SPATA17: variants seen among roughly 807,000 people sequenced by gnomAD.
SPATA17 encodes the protein spermatogenesis-associated protein 17.
A neutral mutation model predicts 62.2 loss-of-function variants in SPATA17; 53 were observed. That is an observed-to-expected ratio of 0.85 (90% CI 0.68 to 1.07). The LOEUF (loss-of-function observed/expected upper bound fraction) is 1.07, where lower values mean the gene tolerates loss of function less well. SPATA17 is among the 50% of genes least tolerant of loss of function. The pLI is 0.00. For missense variants in SPATA17, 466 were observed against 425.5 expected (o/e 1.10, Z -0.84); for synonymous variants, 146 against 146.8 (o/e 0.99, Z 0.04).
At position 217,748,743 on chromosome 1, in the gene SPATA17, C is replaced by CAA. The variant is rs34000760; in HGVS notation, c.519+6664_519+6665dup. Among the ~76,000 whole-genome samples the CAA allele has an allele frequency of 5.5e-4, 64 of 115,322 alleles. 2 individuals are homozygous for CAA. The highest frequency in any genetic ancestry group is 1.5e-3 in the African/African-American group (45 of 29,810). The allele number at this position is 115,322 out of a possible 152,430, so 75.7% of individuals were successfully genotyped here. A position where few individuals can be genotyped will look rare whatever the true frequency, so the allele number is the denominator to read the frequency against. On this transcript the variant is annotated intron_variant, in intron 6 of 10. Transcript: ENST00000366933. ...TGGGTGGCAGAGCAAGACTCTGACTCAAAAAAAAAAAAAAAAAAAACTTTA... is the reference window on the plus strand; with the variant it reads ...TGGGTGGCAGAGCAAGACTCTGACTCAAAAAAAAAAAAAAAAAAAAAACTTTA...
intron 5 of SPATA17, among the ~76,000 whole-genome samples, chr1:217,722,687 CTG>C (rs947409713): frequency 2.6e-5 from 4 of 152,268 alleles, no homozygotes; most frequent in Non-Finnish European, 4.4e-5. Flanking sequence ...TCTAAGGACT[CTG>C]GAACTTATTT....
At chr1:217,846,170 T>C (rs1675523457) in intron 9 of SPATA17, among the ~76,000 whole-genome samples, 1 of 152,118 alleles carries the variant, frequency 6.6e-6, no homozygotes. Flanking sequence ...TGGAAACTAA[T>C]GGGATTCTAG....
At chr1:217,768,242 T>C (rs1171311619) in intron 6 of SPATA17, among the ~76,000 whole-genome samples, 1 of 152,032 alleles carries the variant, frequency 6.6e-6, no homozygotes, top group East Asian at 1.9e-4. Context: ...AGGCTCCGTC[T>C]CAAAAAAATA....
intron 5 of SPATA17, 139 bp downstream of exon 5, chr1:217,683,500 G>C (rs527712204): frequency 1.8e-6 from 1 of 562,258 alleles, no homozygotes; most frequent in Non-Finnish European, 3.2e-6. Context: ...GTGCAGTGGC[G>C]CAATCTCGGC....
intron 8 of SPATA17, among the ~76,000 whole-genome samples, chr1:217,791,933 G>A (rs1275373699): frequency 6.6e-6 from 1 of 152,152 alleles, no homozygotes; most frequent in African/African-American, 2.4e-5. Flanking sequence ...GTAGAGAAAG[G>A]TTGAGAAGCT....
chr1:217,704,440 C>T (rs991437115), intron 5 of SPATA17, among the ~76,000 whole-genome samples: 4 of 150,308 alleles, frequency 2.7e-5, no homozygotes, highest in African/African-American at 9.8e-5. Context: ...TTAGTAGAGA[C>T]GGGGTTTCAC....
chr1:217,636,426 C>T (rs1669941963), intron 1 of SPATA17, among the ~76,000 whole-genome samples: 1 of 151,464 alleles, frequency 6.6e-6, no homozygotes, highest in African/African-American at 2.4e-5. Context: ...TTATTATTAT[C>T]ATTTTGAGAG....
intron 5 of SPATA17, among the ~76,000 whole-genome samples, chr1:217,714,633 G>A (rs998391189): frequency 2.6e-5 from 4 of 151,452 alleles, no homozygotes; most frequent in African/African-American, 7.3e-5. Flanking sequence ...ACAGGTTCCC[G>A]CCAGCACGCC....
chr1:217,801,726 C>T lies in SPATA17; in HGVS notation c.881C>T (p.Pro294Leu). ...LQNVNDNMFL[P>L]FSSYHKNEKY... The stretch of plus-strand genomic sequence containing the variant: ...TTAAATATTTCTTTCAGGTTTTTGC[C>T]ATTTTCTTCATACCATAAAAATGAA... Residue 294 changes from proline to leucine, a missense_variant, in exon 9 of 11, where the codon CCA becomes CTA. By Grantham distance (98) the Pro-to-Leu change is moderately conservative. Coordinates refer to ENST00000366933, the MANE Select transcript of SPATA17 (RefSeq NM_138796.4). 2.5e-6 allele frequency: 4 copies of T among 1,594,578 alleles called. No individual in the cohort carries two copies. Among genetic ancestry groups the T allele is most frequent in the Non-Finnish European group, 3.4e-6 (4 of 1,173,834 alleles).
At chr1:217,632,027 A>G (rs755061731) in intron 1 of SPATA17, among the ~76,000 whole-genome samples, 12 of 152,190 alleles carry the variant, frequency 7.9e-5, no homozygotes, top group East Asian at 5.8e-4. Context: ...TATTAAAAAT[A>G]CAAAAACTAG....
At position 217,749,977 on chromosome 1, in the gene SPATA17, CTCTCTCTCTA is replaced by C. The variant is rs1480554320; in HGVS notation, c.519+7881_519+7890del. Among the ~76,000 whole-genome samples, 52 of 35,668 alleles carry C rather than the reference CTCTCTCTCTA, an allele frequency of 1.5e-3. 1 individual carries two copies. The highest frequency in any genetic ancestry group is 2.1e-3 in the Non-Finnish European group (35 of 16,514). The allele number at this position is 35,668 out of a possible 152,430, so 23.4% of individuals were successfully genotyped here. On this transcript the variant is annotated intron_variant, in intron 6 of 10. Coordinates refer to ENST00000366933, the MANE Select transcript of SPATA17 (RefSeq NM_138796.4). ...TCTCTCTCTCTCTCTCTCTCTCTCTCTCTCTCTCTATATATATATATATATATATATATAT... is the reference window on the plus strand; with the variant it reads ...TCTCTCTCTCTCTCTCTCTCTCTCTCTATATATATATATATATATATATAT...
chr1:217,803,086 G>A (rs1431231010), intron 9 of SPATA17, among the ~76,000 whole-genome samples: 4 of 152,116 alleles, frequency 2.6e-5, no homozygotes, highest in East Asian at 1.9e-4. Context: ...CTAATTTTTT[G>A]TATTTTCAGT....
chr1:217,828,411 A>G (rs1675051459), intron 9 of SPATA17, among the ~76,000 whole-genome samples: 1 of 151,548 alleles, frequency 6.6e-6, no homozygotes, highest in Non-Finnish European at 1.5e-5. Flanking sequence ...TTTTTACCAT[A>G]CATAAAAACC....
At chr1:217,655,242 C>T (rs1670417747) in intron 3 of SPATA17, among the ~76,000 whole-genome samples, 1 of 151,994 alleles carries the variant, frequency 6.6e-6, no homozygotes, top group South Asian at 2.1e-4. Flanking sequence ...TTTTCATAAC[C>T]CTAATATTTT....
chr1:217,828,816 A>G (rs770063867), intron 9 of SPATA17, among the ~76,000 whole-genome samples: 24 of 152,172 alleles, frequency 1.6e-4, no homozygotes, highest in Non-Finnish European at 3.2e-4. Flanking sequence ...AAGAAGATAT[A>G]AAAATGTCAA....
intron 6 of SPATA17, among the ~76,000 whole-genome samples, chr1:217,748,413 C>CA (rs1205904159): frequency 1.3e-5 from 2 of 150,940 alleles, no homozygotes; most frequent in African/African-American, 2.4e-5. Flanking sequence ...TTTTAATTTC[C>CA]AGGATACAAA....
rs1003554448 is a variant in SPATA17 at position 217,698,524 on chromosome 1, T to TA, written c.395+15173dup. 8.7e-4 allele frequency among the ~76,000 whole-genome samples: 129 copies of TA among 147,742 alleles called. No individual in the cohort carries two copies. The South Asian group carries it at 9.2e-3, about 11-fold the overall frequency. ...ATCAGAGGGCCATTTTCTTTCCTTTTAAAAAAAAAAGTTAGCCTTTGCCTT... is the reference window on the plus strand; with the variant it reads ...ATCAGAGGGCCATTTTCTTTCCTTTTAAAAAAAAAAAGTTAGCCTTTGCCTT... On this transcript the variant is annotated intron_variant, in intron 5 of 10. Transcript: ENST00000366933.
At position 217,675,374 on chromosome 1, in the gene SPATA17, A is replaced by T. The variant is rs192854942; in HGVS notation, c.291+6291A>T. On this transcript the variant is annotated intron_variant, in intron 4 of 10. Transcript: ENST00000366933. ...TTGTAAATTCAAAAGACAAATTGCT[A>T]ATCTGTCCACTTCAACTTTGTTTTA... 8.5e-5 allele frequency among the ~76,000 whole-genome samples: 13 copies of T among 152,314 alleles called. No homozygotes were observed. The East Asian group carries it at 2.5e-3, about 29-fold the overall frequency.
intron 9 of SPATA17, among the ~76,000 whole-genome samples, chr1:217,848,465 A>G (rs1200176886): frequency 6.6e-6 from 1 of 152,110 alleles, no homozygotes; most frequent in Non-Finnish European, 1.5e-5. Context: ...ATTGTTTCTT[A>G]TTAAATCAAT....
Sources: gnomAD v4.1 joint callset for allele counts (sites outside exome capture counted in the v4.1 genomes callset) on GRCh38, gnomAD v4.1.1 for gene constraint, MANE v1.5 for transcripts, NCBI Gene and HGNC (gene_info 2026-07-23, HGNC 2026-07-21) for gene names.